The following NECAB1 variants were observed in gnomAD, a reference collection of about 807,000 sequenced individuals.
NECAB1 encodes N-terminal EF-hand calcium-binding protein 1.
In NECAB1, 29 loss-of-function variants were observed where a neutral mutation model predicts 57.5. That is an observed-to-expected ratio of 0.50 (90% confidence interval 0.38 to 0.69). The LOEUF is 0.69. Ranked by LOEUF, NECAB1 falls within the 30% of genes least tolerant of loss-of-function variation. The pLI is 0.00. For synonymous variants in NECAB1, 142 were observed against 147.7 expected (o/e 0.96, Z 0.28); for missense variants, 372 against 413.8 (o/e 0.90, Z 0.88).
rs71560282 is a variant in NECAB1, at chr8:90,834,164, CAAAAAA to C, written c.233+9358_233+9363del. On this transcript the variant is annotated intron_variant, in intron 3 of 12. Coordinates refer to ENST00000417640, the MANE Select transcript of NECAB1 (RefSeq NM_022351.5). ...TAAGAGACAGAGTGAAACTGTGTCT[CAAAAAA>C]AAAAAAAAAAAAAAAAAAGATTTCA... 3.1e-4 allele frequency among the ~76,000 whole-genome samples: 15 copies of C among 49,146 alleles called. 1 individual carries two copies. Among genetic ancestry groups the C allele is most frequent in the East Asian group, 6.0e-4 (1 of 1,678 alleles). 32.2% of individuals were successfully genotyped at this position (49,146 alleles called of 152,430 possible).
intron 9 of NECAB1, among the ~76,000 whole-genome samples, chr8:90,936,563 A>G (rs895318265): frequency 6.6e-6 from 1 of 152,148 alleles, no homozygotes; most frequent in African/African-American, 2.4e-5. Flanking sequence ...TAACATTTTC[A>G]GCCTAAGTGT....
chr8:90,850,967 G>A (rs887579793), intron 3 of NECAB1, among the ~76,000 whole-genome samples: 7 of 152,116 alleles, frequency 4.6e-5, no homozygotes, highest in African/African-American at 9.7e-5. Context: ...TTAGAGGATC[G>A]GAACTTTCAG....
At chr8:90,950,539 A>G (rs917449800) in intron 11 of NECAB1, among the ~76,000 whole-genome samples, 1 of 152,190 alleles carries the variant, frequency 6.6e-6, no homozygotes, top group Non-Finnish European at 1.5e-5. Context: ...AGCTCTCTAA[A>G]TAAGTCCATG....
At chr8:90,801,284 C>T (rs370513893) in intron 1 of NECAB1, among the ~76,000 whole-genome samples, 1 of 152,162 alleles carries the variant, frequency 6.6e-6, no homozygotes, top group South Asian at 2.1e-4. Flanking sequence ...TCCTAGGAAG[C>T]TTAATCTGTT....
intron 4 of NECAB1, among the ~76,000 whole-genome samples, chr8:90,876,453 G>T (rs1392951749): frequency 6.6e-6 from 1 of 151,790 alleles, no homozygotes; most frequent in Non-Finnish European, 1.5e-5. Context: ...GTTTAGATGA[G>T]AGTCATCTAA....
At chr8:90,845,806 T>C (rs1812545735) in intron 3 of NECAB1, among the ~76,000 whole-genome samples, 1 of 152,232 alleles carries the variant, frequency 6.6e-6, no homozygotes, top group Non-Finnish European at 1.5e-5. Context: ...AGGTAAAAAT[T>C]ATAGAAAAAA....
At chr8:90,870,010 G>C (rs1180016627) in intron 3 of NECAB1, among the ~76,000 whole-genome samples, 67 of 152,240 alleles carry the variant, frequency 4.4e-4, no homozygotes, top group African/African-American at 1.4e-3. Flanking sequence ...CTGTTCTTGT[G>C]ATAGTGAGTA....
chr8:90,912,723 C>T (rs1173594293), intron 5 of NECAB1, among the ~76,000 whole-genome samples: 1 of 150,836 alleles, frequency 6.6e-6, no homozygotes, highest in African/African-American at 2.4e-5. Context: ...AGTGGTCTCC[C>T]AGTTTGGAAA....
rs187249410 is a variant in NECAB1, at chr8:90,796,072, T to A, written c.99+4087T>A. Among the ~76,000 whole-genome samples the A allele has an allele frequency of 2.6e-3, 402 of 152,328 alleles. 1 individual carries two copies. Among genetic ancestry groups the A allele is most frequent in the Non-Finnish European group, 4.4e-3 (301 of 68,022 alleles). ...TTGTTTTCCCACACTGGGCCTACCC[T>A]AGGCAAAATTGAGAAGATGAAAATA... On this transcript the variant is annotated intron_variant, in intron 1 of 12. Coordinates refer to ENST00000417640, the MANE Select transcript of NECAB1 (RefSeq NM_022351.5).
At chr8:90,891,460 T>G (rs1016961456) in intron 5 of NECAB1, among the ~76,000 whole-genome samples, 3 of 152,152 alleles carry the variant, frequency 2.0e-5, no homozygotes, top group Non-Finnish European at 4.4e-5. Context: ...TTTGTGTATA[T>G]TTTTATATAT....
intron 2 of NECAB1, among the ~76,000 whole-genome samples, chr8:90,802,315 T>G (rs1811770558): frequency 6.6e-6 from 1 of 152,206 alleles, no homozygotes; most frequent in African/African-American, 2.4e-5. Context: ...GATGGCAACC[T>G]CGAAGTAAAA....
chr8:90,858,219 TA>T (rs1563507703), intron 3 of NECAB1, among the ~76,000 whole-genome samples: 1 of 152,148 alleles, frequency 6.6e-6, no homozygotes, highest in Non-Finnish European at 1.5e-5. Context: ...AATGTGATAA[TA>T]AAATATCAAA....
chr8:90,925,742 G>A (rs565583876), intron 7 of NECAB1, 86 bp downstream of exon 7: 1,008 of 1,527,900 alleles, frequency 6.6e-4, no homozygotes, highest in Non-Finnish European at 8.7e-4. Context: ...CAACAGATAA[G>A]ACAATAGTAA....
intron 3 of NECAB1, among the ~76,000 whole-genome samples, chr8:90,848,181 C>A (rs1812604839): frequency 6.6e-6 from 1 of 152,222 alleles, no homozygotes; most frequent in African/African-American, 2.4e-5. Flanking sequence ...ATCTCTAGGG[C>A]AGGGGCAAAA....
intron 4 of NECAB1, among the ~76,000 whole-genome samples, chr8:90,878,575 C>G (rs1338568963): frequency 6.6e-6 from 1 of 152,132 alleles, no homozygotes; most frequent in Non-Finnish European, 1.5e-5. Flanking sequence ...CTTAGATTTC[C>G]AACTTAAGCT....
intron 3 of NECAB1, among the ~76,000 whole-genome samples, chr8:90,840,906 TA>T (rs1423963616): frequency 1.3e-4 from 18 of 139,174 alleles, no homozygotes; most frequent in African/African-American, 4.9e-4. Context: ...AATAGAAATC[TA>T]ATATTTCAGG....
chr8:90,957,210 C>T lies in NECAB1; in HGVS notation c.*1698C>T, dbSNP rs1444658820. The T allele has an allele frequency of 3.3e-5, 5 of 151,934 alleles. No individual in the cohort carries two copies. The highest frequency in any genetic ancestry group is 1.3e-4 in the Admixed American group (2 of 15,198). The allele number at this position is 151,934 out of a possible 1,614,324, so 9.4% of individuals were successfully genotyped here. A position where few individuals can be genotyped will look rare whatever the true frequency, so the allele number is the denominator to read the frequency against. ...TCAAAAGACTTTAAAACCTAAATGA[C>T]TTTTGACATACAAACTCTTCTTGAG... On this transcript the variant is annotated 3_prime_UTR_variant, in exon 13 of 13. Coordinates refer to ENST00000417640, the MANE Select transcript of NECAB1 (RefSeq NM_022351.5).
Position 90,957,451 on chromosome 8 carries a change from C to T in NECAB1, c.*1939C>T, listed in dbSNP as rs1007085747. 2 of 151,680 alleles carry T rather than the reference C, an allele frequency of 1.3e-5. No individual in the cohort carries two copies. The highest frequency in any genetic ancestry group is 4.8e-5 in the African/African-American group (2 of 41,360). 9.4% of individuals were successfully genotyped at this position (151,680 alleles called of 1,614,324 possible). On this transcript the variant is annotated 3_prime_UTR_variant, in exon 13 of 13. Coordinates refer to ENST00000417640, the MANE Select transcript of NECAB1 (RefSeq NM_022351.5). The stretch of plus-strand genomic sequence containing the variant: ...TCTGCAGATTCCAAACTGGAATAAG[C>T]TCTATCATATTCTGAAACAAGAATT...
chr8:90,907,008 C>T (rs919362028), intron 5 of NECAB1, among the ~76,000 whole-genome samples: 22 of 150,184 alleles, frequency 1.5e-4, no homozygotes, highest in African/African-American at 5.2e-4. Flanking sequence ...ATCTCAGCCT[C>T]CTGAGTAGCT....
Sources: allele counts gnomAD v4.1 joint callset (sites outside exome capture counted in the v4.1 genomes callset), GRCh38; gene constraint gnomAD v4.1.1; transcripts MANE v1.5; gene names NCBI Gene and HGNC (gene_info 2026-07-23, HGNC 2026-07-21).